NRXN3: variants seen among roughly 807,000 people sequenced by gnomAD.
NRXN3 encodes neurexin 3.
Under a neutral mutation model 137.6 loss-of-function variants are expected in NRXN3, and 32 were observed. The observed-to-expected ratio is 0.23, with a 90% CI of 0.18 to 0.31. The LOEUF (loss-of-function observed/expected upper bound fraction) is 0.31, where lower values mean the gene tolerates loss of function less well. NRXN3 is among the 10% of genes least tolerant of loss of function. The pLI, the probability that NRXN3 is intolerant of heterozygous loss-of-function variation, is 1.00. For missense variants in NRXN3, 1,574 were observed against 2,062.5 expected (o/e 0.76, Z 4.59); for synonymous variants, 798 against 784.5 (o/e 1.02, Z -0.29).
chr14:78,965,579 A>G (rs1306982062), intron 11 of NRXN3, among the ~76,000 whole-genome samples: 1 of 152,196 alleles, frequency 6.6e-6, no homozygotes. Flanking sequence ...TGATAAGTCT[A>G]TAATAGAATC....
intron 4 of NRXN3, among the ~76,000 whole-genome samples, chr14:78,344,196 T>C (rs1353641898): frequency 6.6e-6 from 1 of 152,204 alleles, no homozygotes; most frequent in Non-Finnish European, 1.5e-5. Context: ...AAAGCACTTG[T>C]TAAAAATGCA....
intron 4 of NRXN3, chr14:78,300,595 T>C: frequency 2.0e-6 from 2 of 991,470 alleles, no homozygotes; most frequent in Non-Finnish European, 3.0e-6. Flanking sequence ...TGTTTGACTC[T>C]CCTTGCTCTC....
At chr14:79,156,270 A>G (rs1332729455) in intron 15 of NRXN3, among the ~76,000 whole-genome samples, 2 of 151,908 alleles carry the variant, frequency 1.3e-5, no homozygotes, top group African/African-American at 4.8e-5. Context: ...CTGTGATCAC[A>G]CAGCTAGCAT....
intron 4 of NRXN3, among the ~76,000 whole-genome samples, chr14:78,433,656 T>C (rs1323668032): frequency 6.6e-6 from 1 of 152,146 alleles, no homozygotes; most frequent in Non-Finnish European, 1.5e-5. Context: ...TTTTCTTGCG[T>C]GCATGCTCTC....
At chr14:79,144,969 G>A (rs757764175) in intron 15 of NRXN3, among the ~76,000 whole-genome samples, 18 of 151,890 alleles carry the variant, frequency 1.2e-4, no homozygotes, top group Non-Finnish European at 2.4e-4. Flanking sequence ...CATAAAACCT[G>A]GAGAATTGAT....
At chr14:79,820,386 G>A (rs774635353) in intron 20 of NRXN3, among the ~76,000 whole-genome samples, 2 of 152,118 alleles carry the variant, frequency 1.3e-5, no homozygotes, top group Admixed American at 6.5e-5. Context: ...GGTGAATAAC[G>A]TGTTCTACCA....
At chr14:79,805,439 A>G (rs1375795107) in intron 20 of NRXN3, among the ~76,000 whole-genome samples, 6 of 152,146 alleles carry the variant, frequency 3.9e-5, no homozygotes, top group African/African-American at 1.4e-4. Flanking sequence ...ACAAAAAATC[A>G]TGGTATATGA....
At chr14:78,402,783 C>G (rs1172161471) in intron 4 of NRXN3, among the ~76,000 whole-genome samples, 3 of 152,136 alleles carry the variant, frequency 2.0e-5, no homozygotes, top group African/African-American at 7.2e-5. Context: ...ACTGATTAGA[C>G]ATATCTTATA....
intron 4 of NRXN3, among the ~76,000 whole-genome samples, chr14:78,561,332 A>G (rs1047288937): frequency 2.6e-5 from 4 of 152,238 alleles, no homozygotes; most frequent in Non-Finnish European, 5.9e-5. Flanking sequence ...AGGACTGGAA[A>G]TGACAGAGAA....
intron 15 of NRXN3, among the ~76,000 whole-genome samples, chr14:79,085,503 A>G (rs1217937780): frequency 2.6e-5 from 4 of 152,314 alleles, no homozygotes; most frequent in African/African-American, 9.6e-5. Context: ...AAATTGAAGT[A>G]ACATATTTTT....
intron 15 of NRXN3, among the ~76,000 whole-genome samples, chr14:79,381,608 T>G (rs1408972872): frequency 1.3e-5 from 2 of 152,152 alleles, no homozygotes; most frequent in African/African-American, 4.8e-5. Flanking sequence ...CAGGAGTCTA[T>G]GTATAATGCA....
intron 5 of NRXN3, among the ~76,000 whole-genome samples, chr14:78,650,568 G>A (rs1311840092): frequency 6.6e-6 from 1 of 151,706 alleles, no homozygotes; most frequent in Non-Finnish European, 1.5e-5. Context: ...GCAGTCCATG[G>A]CATGTATCAT....
At chr14:79,661,444 T>C (rs1567809935) in intron 16 of NRXN3, among the ~76,000 whole-genome samples, 1 of 152,138 alleles carries the variant, frequency 6.6e-6, no homozygotes, top group Non-Finnish European at 1.5e-5. Flanking sequence ...GTCCATTCTT[T>C]TATTGGATAC....
At chr14:79,301,115 C>A (rs547524076) in intron 15 of NRXN3, among the ~76,000 whole-genome samples, 1 of 151,980 alleles carries the variant, frequency 6.6e-6, no homozygotes, top group African/African-American at 2.4e-5. Context: ...TCCTATATAA[C>A]GTTTAATATG....
At chr14:79,490,015 G>A (rs1245408483) in intron 16 of NRXN3, among the ~76,000 whole-genome samples, 1 of 143,144 alleles carries the variant, frequency 7.0e-6, no homozygotes, top group African/African-American at 2.7e-5. Flanking sequence ...CTCCAGCGTG[G>A]GGGACAGAGC....
chr14:79,675,133 C>T (rs936635866), intron 17 of NRXN3, among the ~76,000 whole-genome samples: 8 of 151,956 alleles, frequency 5.3e-5, no homozygotes, highest in Admixed American at 2.0e-4. Flanking sequence ...GGTGGCAGAA[C>T]CAACATTTGG....
intron 15 of NRXN3, among the ~76,000 whole-genome samples, chr14:79,299,144 C>T (rs113172746): frequency 0.014 from 2,116 of 152,156 alleles, 51 homozygotes; most frequent in African/African-American, 0.048. Flanking sequence ...TCTTTTTAAG[C>T]CAGGGATTTA....
At chr14:78,204,445 A>G (rs1199812033) in intron 1 of NRXN3, among the ~76,000 whole-genome samples, 1 of 152,220 alleles carries the variant, frequency 6.6e-6, no homozygotes, top group Non-Finnish European at 1.5e-5. Flanking sequence ...AAAGGTATAT[A>G]AAAATATATT....
chr14:79,841,263 G>A (rs1172971107), intron 20 of NRXN3, among the ~76,000 whole-genome samples: 1 of 152,100 alleles, frequency 6.6e-6, no homozygotes, highest in Non-Finnish European at 1.5e-5. Context: ...TCCCTGCAAT[G>A]AAGACAGATT....
Sources: gnomAD v4.1 joint callset for allele counts (sites outside exome capture counted in the v4.1 genomes callset) on GRCh38, gnomAD v4.1.1 for gene constraint, MANE v1.5 for transcripts, NCBI Gene and HGNC (gene_info 2026-07-23, HGNC 2026-07-21) for gene names.